NOX4: variants seen among roughly 807,000 people sequenced by gnomAD.
NOX4 encodes NADPH oxidase 4, also known as kidney oxidase-1.
NOX4 carries 69 observed loss-of-function variants against 87.6 expected under a neutral mutation model. That is an observed-to-expected ratio of 0.79 (90% CI 0.65 to 0.96). The LOEUF is 0.96. Ranked by LOEUF, NOX4 falls within the 40% of genes least tolerant of loss-of-function variation. The probability of loss-of-function intolerance (pLI) is 0.00; values close to 1 mark genes in which losing one functional copy is unlikely to be tolerated. For synonymous variants in NOX4, 275 were observed against 238.2 expected, an observed-to-expected ratio of 1.15 and a Z score of -1.42; for missense variants, 680 against 681.5, an observed-to-expected ratio of 1.00 and a Z score of 0.02.
At chr11:89,341,499 A>G (rs1009031328) in intron 14 of NOX4, among the ~76,000 whole-genome samples, 2 of 152,232 alleles carry the variant, frequency 1.3e-5, no homozygotes, top group African/African-American at 4.8e-5. Flanking sequence ...TGATGTGTTC[A>G]GTTGTCATCT....
At chr11:89,570,124 C>G in the NOX4 span, among the ~76,000 whole-genome samples, 1 of 152,180 alleles carries the variant, frequency 6.6e-6, no homozygotes, top group African/African-American at 2.4e-5. Flanking sequence ...CAGTGCTGAA[C>G]TGGATAAAGG....
the NOX4 span, among the ~76,000 whole-genome samples, chr11:89,506,665 A>G: frequency 6.6e-6 from 1 of 151,872 alleles, no homozygotes; most frequent in Non-Finnish European, 1.5e-5. Context: ...ACATGAATAA[A>G]ATATCTGTAA....
chr11:89,425,840 T>G (rs148486647), intron 7 of NOX4, among the ~76,000 whole-genome samples: 1 of 152,278 alleles, frequency 6.6e-6, no homozygotes, highest in East Asian at 1.9e-4. Flanking sequence ...TATTTGGCAA[T>G]TACTTTCAAA....
the NOX4 span, among the ~76,000 whole-genome samples, chr11:89,538,720 A>ATT: frequency 1.3e-5 from 2 of 148,234 alleles, no homozygotes; most frequent in African/African-American, 4.9e-5. Context: ...ACACCCCACT[A>ATT]TTTTTTTTTT....
At chr11:89,461,640 A>C (rs867408222) in intron 2 of NOX4, among the ~76,000 whole-genome samples, 1 of 151,592 alleles carries the variant, frequency 6.6e-6, no homozygotes, top group Non-Finnish European at 1.5e-5. Flanking sequence ...GCAAGACTCC[A>C]TCTCAAAAAA....
intron 11 of NOX4, among the ~76,000 whole-genome samples, chr11:89,391,424 G>A (rs998658732): frequency 6.6e-6 from 1 of 152,056 alleles, no homozygotes; most frequent in Admixed American, 6.6e-5. Context: ...CCCAAAAGTG[G>A]GAAAATGAGA....
At chr11:89,382,316 A>T (rs935202711) in intron 11 of NOX4, among the ~76,000 whole-genome samples, 1 of 151,912 alleles carries the variant, frequency 6.6e-6, no homozygotes, top group East Asian at 1.9e-4. Context: ...TAAAACCTAA[A>T]TGCCTTATTT....
At chr11:89,536,526 T>C in the NOX4 span, among the ~76,000 whole-genome samples, 3 of 152,206 alleles carry the variant, frequency 2.0e-5, no homozygotes, top group Non-Finnish European at 4.4e-5. Flanking sequence ...ATCTAAAGTG[T>C]TGTAGAGCCG....
At chr11:89,343,858 T>A (rs1946107904) in intron 13 of NOX4, among the ~76,000 whole-genome samples, 1 of 152,180 alleles carries the variant, frequency 6.6e-6, no homozygotes, top group East Asian at 1.9e-4. Context: ...GGATTGTGTA[T>A]CTAAGATAAT....
intron 2 of NOX4, among the ~76,000 whole-genome samples, chr11:89,484,835 A>G (rs551684554): frequency 2.0e-5 from 3 of 152,120 alleles, no homozygotes; most frequent in Admixed American, 6.6e-5. Flanking sequence ...GCAAAATAAC[A>G]CTCATCTAAA....
chr11:89,527,881 G>A, the NOX4 span, among the ~76,000 whole-genome samples: 3 of 152,228 alleles, frequency 2.0e-5, no homozygotes, highest in East Asian at 5.8e-4. Flanking sequence ...GGAGCTCTGA[G>A]AAGAGGACCA....
chr11:89,554,261 C>CA, the NOX4 span, among the ~76,000 whole-genome samples: 1 of 151,876 alleles, frequency 6.6e-6, no homozygotes, highest in African/African-American at 2.4e-5. Context: ...GTGGTCCTAC[C>CA]ACTATTGAAA....
chr11:89,423,675 G>A (rs567374596), intron 7 of NOX4, among the ~76,000 whole-genome samples: 1 of 151,978 alleles, frequency 6.6e-6, no homozygotes, highest in Admixed American at 6.6e-5. Flanking sequence ...ACAAACTTTG[G>A]AATCACTTTG....
chr11:89,490,453 C>T lies in NOX4; in HGVS notation c.153+5G>A. 6.3e-7 allele frequency: 1 copy of T among 1,593,626 alleles called. No homozygotes were observed. On this transcript the variant is annotated splice_donor_5th_base_variant and intron_variant, in intron 2 of 17. Coordinates refer to ENST00000263317, the MANE Select transcript of NOX4 (RefSeq NM_016931.5). ...CACCAGATTATCCAAGTTCACCTTA[C>T]TTACCCCCAACATCTGGTGGAGGTA...
At chr11:89,535,659 G>A in the NOX4 span, among the ~76,000 whole-genome samples, 1 of 151,706 alleles carries the variant, frequency 6.6e-6, no homozygotes, top group South Asian at 2.1e-4. Flanking sequence ...TCCAGACATA[G>A]GCACTGTGCT....
chr11:89,355,288 G>T (rs1489685093), intron 12 of NOX4, among the ~76,000 whole-genome samples: 1 of 146,948 alleles, frequency 6.8e-6, no homozygotes, highest in African/African-American at 2.5e-5. Flanking sequence ...TAGCCATTAA[G>T]GATAAATAGG....
chr11:89,356,944 C>T (rs1340783866), intron 12 of NOX4, among the ~76,000 whole-genome samples: 1 of 152,114 alleles, frequency 6.6e-6, no homozygotes, highest in Non-Finnish European at 1.5e-5. Flanking sequence ...TGTCTTGATA[C>T]GGTCGCACAG....
At chr11:89,353,203 G>A (rs1937696845) in intron 13 of NOX4, among the ~76,000 whole-genome samples, 5 of 152,214 alleles carry the variant, frequency 3.3e-5, no homozygotes, top group Admixed American at 2.6e-4. Flanking sequence ...TGAGAGGATT[G>A]AGTACAATTT....
intron 10 of NOX4, 37 bp downstream of exon 10, chr11:89,400,178 T>C: frequency 1.2e-6 from 2 of 1,602,976 alleles, no homozygotes; most frequent in Non-Finnish European, 1.7e-6. Flanking sequence ...TACATAAGGA[T>C]AAAGGCTATT....
Sources: gnomAD v4.1 joint callset for allele counts (sites outside exome capture counted in the v4.1 genomes callset) on GRCh38, gnomAD v4.1.1 for gene constraint, MANE v1.5 for transcripts, NCBI Gene and HGNC (gene_info 2026-07-23, HGNC 2026-07-21) for gene names.